Variants in DGKB observed in about 807,000 individuals in gnomAD.
DGKB encodes diacylglycerol kinase beta, also known as 90 kDa diacylglycerol kinase.
A neutral mutation model predicts 114.3 loss-of-function variants in DGKB; 67 were observed. The observed-to-expected ratio is 0.59, with a 90% confidence interval of 0.48 to 0.72. The LOEUF is 0.72. Ranked by LOEUF, DGKB falls within the 30% of genes least tolerant of loss-of-function variation. The pLI, the probability that DGKB is intolerant of heterozygous loss-of-function variation, is 0.00. For synonymous variants in DGKB, 398 were observed against 323.1 expected (o/e 1.23, Z -2.49); for missense variants, 907 against 975.2 (o/e 0.93, Z 0.93).
chr7:14,827,826 G>A (rs997863012), intron 2 of DGKB, among the ~76,000 whole-genome samples: 1 of 152,012 alleles, frequency 6.6e-6, no homozygotes, highest in Admixed American at 6.6e-5. Flanking sequence ...ATGTCACTAG[G>A]CACTGAAAAC....
chr7:14,801,987 A>G (rs1022213182), intron 2 of DGKB, among the ~76,000 whole-genome samples: 1 of 151,828 alleles, frequency 6.6e-6, no homozygotes, highest in Non-Finnish European at 1.5e-5. Flanking sequence ...ACATACGTAT[A>G]TATGTTTCTG....
chr7:14,641,168 T>C (rs1811708358), intron 13 of DGKB, among the ~76,000 whole-genome samples: 1 of 152,178 alleles, frequency 6.6e-6, no homozygotes, highest in Admixed American at 6.5e-5. Flanking sequence ...TTTAAAAATA[T>C]TTTCCAAAAT....
At chr7:14,785,504 CTAAAT>C (rs899509551) in intron 2 of DGKB, among the ~76,000 whole-genome samples, 10 of 151,974 alleles carry the variant, frequency 6.6e-5, no homozygotes, top group African/African-American at 1.5e-4. Flanking sequence ...AACGTCATGA[CTAAAT>C]TAAATTAAAT....
At chr7:14,593,682 G>A (rs1027985959) in intron 17 of DGKB, among the ~76,000 whole-genome samples, 3 of 151,632 alleles carry the variant, frequency 2.0e-5, no homozygotes, top group South Asian at 2.1e-4. Context: ...CCAAGTAACC[G>A]ATGTTAAACA....
chr7:14,625,300 C>A (rs558673511), intron 14 of DGKB, among the ~76,000 whole-genome samples: 57 of 152,188 alleles, frequency 3.7e-4, no homozygotes, highest in African/African-American at 1.3e-3. Context: ...ATCTTAAAAA[C>A]AGGAGAGCCT....
At chr7:14,253,127 C>T (rs552731584) in intron 23 of DGKB, among the ~76,000 whole-genome samples, 24 of 152,028 alleles carry the variant, frequency 1.6e-4, no homozygotes, top group Middle Eastern at 3.4e-3. Flanking sequence ...CTCCGCCTCC[C>T]GGGTTCAAGC....
chr7:14,395,642 T>C (rs981602796), intron 21 of DGKB, among the ~76,000 whole-genome samples: 1 of 151,852 alleles, frequency 6.6e-6, no homozygotes, highest in African/African-American at 2.4e-5. Context: ...TATTACTATA[T>C]GTAAAAATAT....
At chr7:14,506,341 T>G (rs1415224586) in intron 20 of DGKB, among the ~76,000 whole-genome samples, 2 of 152,146 alleles carry the variant, frequency 1.3e-5, no homozygotes, top group South Asian at 2.1e-4. Context: ...AAATGGAAAA[T>G]TCCTACAGTT....
At chr7:14,712,706 T>G (rs1827574335) in intron 6 of DGKB, among the ~76,000 whole-genome samples, 1 of 151,622 alleles carries the variant, frequency 6.6e-6, no homozygotes, top group African/African-American at 2.4e-5. Flanking sequence ...AGAAAAATAA[T>G]TAAGTAAGAA....
chr7:14,183,097 A>C (rs1782876295), intron 23 of DGKB, among the ~76,000 whole-genome samples: 1 of 152,202 alleles, frequency 6.6e-6, no homozygotes, highest in East Asian at 1.9e-4. Flanking sequence ...AGACCAGGCT[A>C]GCTATGGAGT....
At chr7:14,682,168 A>G (rs182003496) in intron 12 of DGKB, among the ~76,000 whole-genome samples, 16 of 152,218 alleles carry the variant, frequency 1.1e-4, no homozygotes, top group African/African-American at 3.8e-4. Context: ...CAATAAGCAA[A>G]CCAGAAAACC....
Position 14,747,775 on chromosome 7 carries a change from G to GCGCGCGCGCGCGCACACA in DGKB, c.168+6152_168+6153insTGTGTGCGCGCGCGCGCG. Among the ~76,000 whole-genome samples the GCGCGCGCGCGCGCACACA allele has an allele frequency of 2.7e-3, 404 of 149,272 alleles. 3 individuals are homozygous for GCGCGCGCGCGCGCACACA. The East Asian group carries it at 0.033, about 12-fold the overall frequency. On this transcript the variant is annotated intron_variant, in intron 4 of 25. Coordinates refer to ENST00000402815, the MANE Select transcript of DGKB (RefSeq NM_001350709.2). Reference sequence around the variant, plus strand: ...GCTGTGGGCTCAAACACATCCACGCGCACGCACACACACACACACACACAC... The same window carrying GCGCGCGCGCGCGCACACA: ...GCTGTGGGCTCAAACACATCCACGCGCGCGCGCGCGCGCACACACACGCACACACACACACACACACAC...
intron 2 of DGKB, among the ~76,000 whole-genome samples, chr7:14,799,450 G>C (rs185700232): frequency 1.8e-3 from 277 of 152,284 alleles, no homozygotes; most frequent in African/African-American, 5.8e-3. Flanking sequence ...AGCTACTCTA[G>C]ATTTATTAGT....
At chr7:14,747,792 C>A (rs1481042730) in intron 4 of DGKB, among the ~76,000 whole-genome samples, 2 of 152,146 alleles carry the variant, frequency 1.3e-5, no homozygotes, top group African/African-American at 4.8e-5. Context: ...CACACACACA[C>A]ACACACACAA....
intron 23 of DGKB, among the ~76,000 whole-genome samples, chr7:14,199,350 AAAAC>A (rs1220725898): frequency 6.6e-6 from 1 of 152,022 alleles, no homozygotes; most frequent in Non-Finnish European, 1.5e-5. Flanking sequence ...AAGGAATAGA[AAAAC>A]AAAAGAACAG....
rs1378916751 is a variant in DGKB at position 14,455,868 on chromosome 7, C to T, written c.1835+22293G>A. On this transcript the variant is annotated intron_variant, in intron 21 of 25. Coordinates refer to ENST00000402815, the MANE Select transcript of DGKB (RefSeq NM_001350709.2). ...TAAGACAACGGGCTAAAATCAACTC[C>T]AAGGCAATGAAAGCGTCTTCCTTTA... Among the ~76,000 whole-genome samples the T allele has an allele frequency of 7.9e-5, 12 of 152,030 alleles. No homozygotes were observed. The Middle Eastern group carries it at 0.01, about 129-fold the overall frequency.
chr7:14,149,927 G>A (rs182255816), intron 25 of DGKB, among the ~76,000 whole-genome samples: 14 of 152,162 alleles, frequency 9.2e-5, no homozygotes, highest in African/African-American at 2.6e-4. Context: ...ATAAAACTAC[G>A]AATCACCTTA....
intron 4 of DGKB, among the ~76,000 whole-genome samples, chr7:14,741,835 A>T (rs915078522): frequency 7.2e-5 from 11 of 152,220 alleles, no homozygotes; most frequent in African/African-American, 2.7e-4. Flanking sequence ...GCATGGCTAA[A>T]GTTGGGTAGC....
Position 14,231,082 on chromosome 7 carries a change from C to CCTTTCTTTCTTT in DGKB, c.2123-52943_2123-52932dup, listed in dbSNP as rs201778587. On this transcript the variant is annotated intron_variant, in intron 23 of 25. Coordinates refer to ENST00000402815, the MANE Select transcript of DGKB (RefSeq NM_001350709.2). ...AAGGTTAAAAATTCTTTCTTCTTTC[C>CCTTTCTTTCTTT]CTTTCTTTCTTTCTTTCTTTCTTTC... Among the ~76,000 whole-genome samples the CCTTTCTTTCTTT allele has an allele frequency of 1.0e-3, 123 of 121,858 alleles. 3 individuals are homozygous for CCTTTCTTTCTTT. Among genetic ancestry groups the CCTTTCTTTCTTT allele is most frequent in the South Asian group, 1.6e-3 (6 of 3,680 alleles). 79.9% of individuals were successfully genotyped at this position (121,858 alleles called of 152,430 possible).
Sources: gnomAD v4.1 joint callset for allele counts (sites outside exome capture counted in the v4.1 genomes callset) on GRCh38, gnomAD v4.1.1 for gene constraint, MANE v1.5 for transcripts, NCBI Gene and HGNC (gene_info 2026-07-23, HGNC 2026-07-21) for gene names.